The following TRAP1 variants were observed in gnomAD, a reference collection of about 807,000 sequenced individuals.
TRAP1 encodes the protein TNF receptor associated protein 1.
TRAP1 carries 102 observed loss-of-function variants against 89.1 expected under a neutral mutation model. The observed-to-expected ratio is 1.15, with a 90% CI of 0.98 to 1.35. The LOEUF is 1.35. Among genes scored for constraint, TRAP1 ranks in the 40% most tolerant of loss-of-function variants. TRAP1 has a pLI of 0.00. For missense variants in TRAP1, 1,256 were observed against 945.3 expected (o/e 1.33, Z -4.31); for synonymous variants, 508 against 388.0 (o/e 1.31, Z -3.64).
intron 4 of TRAP1, among the ~76,000 whole-genome samples, chr16:3,683,187 C>G (rs1055524461): frequency 6.6e-6 from 1 of 151,692 alleles, no homozygotes; most frequent in African/African-American, 2.4e-5. Context: ...AAAATCTTCC[C>G]GGTCATCAAA....
At chr16:3,681,787 A>T (rs1055298950) in intron 4 of TRAP1, among the ~76,000 whole-genome samples, 2 of 152,090 alleles carry the variant, frequency 1.3e-5, no homozygotes, top group African/African-American at 4.8e-5. Context: ...ATTTATTTTT[A>T]TTTTTTCCCA....
chr16:3,661,078 CTTCATATACAAGTTAG>C lies in TRAP1; in HGVS notation c.1940+893_1940+908del, dbSNP rs930857412. Reference sequence around the variant, plus strand: ...TTCAAAATTTCCCCCAAAAAAGAAACTTCATATACAAGTTAGTTCATATACAAGTTAGAAAATGAAA... The same window carrying C: ...TTCAAAATTTCCCCCAAAAAAGAAACTTCATATACAAGTTAGAAAATGAAA... On this transcript the variant is annotated intron_variant, in intron 16 of 17. Coordinates refer to ENST00000246957, the MANE Select transcript of TRAP1 (RefSeq NM_016292.3). 12 of 152,100 alleles carry C rather than the reference CTTCATATACAAGTTAG, an allele frequency of 7.9e-5. No homozygotes were observed. The South Asian group carries it at 8.3e-4, about 11-fold the overall frequency. The allele number at this position is 152,100 out of a possible 1,614,324, so 9.4% of individuals were successfully genotyped here.
At chr16:3,693,280 A>G (rs2051240956) in intron 1 of TRAP1, among the ~76,000 whole-genome samples, 1 of 152,118 alleles carries the variant, frequency 6.6e-6, no homozygotes, top group East Asian at 1.9e-4. Context: ...CTATGCAGAT[A>G]CCTTAAAAAC....
rs890163228 is a variant in TRAP1 at position 3,717,438 on chromosome 16, A to G, written c.71T>C (p.Leu24Pro). ...RLRPLLRAPA[L>P]AAVPGGKPIL... ...GCCCTCACCTCCCGGCACGGCCGCC[A>G]GCGCCGGCGCCCGCAGCAAAGGCCG... The change falls in exon 1 of 18, where the codon CTG becomes CCG. Residue 24 changes from leucine (L) to proline (P), a missense_variant. Leu to Pro is a moderately conservative substitution (Grantham distance 98). Coordinates refer to ENST00000246957, the MANE Select transcript of TRAP1 (RefSeq NM_016292.3). 2.4e-6 allele frequency: 3 copies of G among 1,260,874 alleles called. No individual in the cohort carries two copies. The highest frequency in any genetic ancestry group is 3.1e-5 in the African/African-American group (2 of 63,734). The allele number at this position is 1,260,874 out of a possible 1,614,324, so 78.1% of individuals were successfully genotyped here.
intron 13 of TRAP1, chr16:3,663,771 C>A (rs530378548): frequency 3.3e-6 from 2 of 600,310 alleles, no homozygotes; most frequent in East Asian, 5.8e-5. Flanking sequence ...AAGCACTCCA[C>A]GCATAAAGAA....
chr16:3,696,588 C>T (rs1025565691), intron 1 of TRAP1, among the ~76,000 whole-genome samples: 9 of 152,206 alleles, frequency 5.9e-5, no homozygotes, highest in African/African-American at 1.9e-4. Flanking sequence ...CAGGGTCTCA[C>T]TCTGTTGCCC....
Position 3,700,260 on chromosome 16 carries a change from C to T in TRAP1, c.89-9275G>A, listed in dbSNP as rs534491335. On this transcript the variant is annotated intron_variant, in intron 1 of 17. Transcript: ENST00000246957. Reference sequence around the variant, plus strand: ...TCAGCTCACCCCATCCTCCTCCTCCCGGGTTCAAGCGATTCTCCTGCCTCA... The same window carrying T: ...TCAGCTCACCCCATCCTCCTCCTCCTGGGTTCAAGCGATTCTCCTGCCTCA... 4.6e-5 allele frequency among the ~76,000 whole-genome samples: 7 copies of T among 151,780 alleles called. 1 individual carries two copies. The highest frequency in any genetic ancestry group is 3.9e-4 in the East Asian group (2 of 5,142).
chr16:3,713,352 C>A (rs1393936960), intron 1 of TRAP1, among the ~76,000 whole-genome samples: 3 of 152,152 alleles, frequency 2.0e-5, no homozygotes, highest in Non-Finnish European at 2.9e-5. Context: ...GGAGCGGGGT[C>A]CAGGTGAGGC....
intron 1 of TRAP1, among the ~76,000 whole-genome samples, chr16:3,703,812 A>C (rs1170702522): frequency 6.7e-6 from 1 of 150,144 alleles, no homozygotes; most frequent in African/African-American, 2.5e-5. Flanking sequence ...TCAGGAGATC[A>C]AGATCATCCT....
At chr16:3,710,847 ATGTG>A (rs989482091) in intron 1 of TRAP1, among the ~76,000 whole-genome samples, 2 of 140,482 alleles carry the variant, frequency 1.4e-5, no homozygotes, top group South Asian at 2.3e-4. Context: ...TTTCTTTTAT[ATGTG>A]TGTGTGTATA....
intron 4 of TRAP1, among the ~76,000 whole-genome samples, chr16:3,682,858 C>T (rs1336388575): frequency 6.6e-6 from 1 of 151,904 alleles, no homozygotes; most frequent in Non-Finnish European, 1.5e-5. Flanking sequence ...GATCCTGACT[C>T]TAAACAAACA....
chr16:3,658,977 G>T, intron 16 of TRAP1, 112 bp from the exon 17 acceptor site: 2 of 1,065,328 alleles, frequency 1.9e-6, no homozygotes, highest in East Asian at 2.6e-5. Flanking sequence ...ACTGTCTGTA[G>T]TTTTTTAAAT....
chr16:3,697,423 G>C (rs959346258), intron 1 of TRAP1, among the ~76,000 whole-genome samples: 86 of 152,140 alleles, frequency 5.7e-4, no homozygotes, highest in Admixed American at 4.5e-3. Flanking sequence ...CCAGCACTTT[G>C]GGAGGCCGAG....
chr16:3,714,142 C>G (rs1174553275), intron 1 of TRAP1, among the ~76,000 whole-genome samples: 1 of 152,194 alleles, frequency 6.6e-6, no homozygotes, highest in African/African-American at 2.4e-5. Context: ...ATCTGTGAAA[C>G]TTACCCTGGG....
chr16:3,711,167 G>C (rs1339652407), intron 1 of TRAP1, among the ~76,000 whole-genome samples: 1 of 151,934 alleles, frequency 6.6e-6, no homozygotes, highest in Non-Finnish European at 1.5e-5. Flanking sequence ...TGAGCTACCA[G>C]GCCTGGCCAA....
intron 12 of TRAP1, chr16:3,665,212 C>T (rs570939682): frequency 2.6e-5 from 4 of 152,306 alleles, no homozygotes; most frequent in East Asian, 1.9e-4. Context: ...CAGAAGCTGC[C>T]GAAGTCGGCA....
At chr16:3,671,142 T>TATTCAGCTG (rs1389382561) in intron 11 of TRAP1, among the ~76,000 whole-genome samples, 1 of 152,064 alleles carries the variant, frequency 6.6e-6, no homozygotes, top group Non-Finnish European at 1.5e-5. Context: ...AAATTCCAGC[T>TATTCAGCTG]GAATCCTCAC....
chr16:3,705,829 G>A (rs2051435407), intron 1 of TRAP1, among the ~76,000 whole-genome samples: 1 of 151,728 alleles, frequency 6.6e-6, no homozygotes. Flanking sequence ...ACAGGCATGT[G>A]CCACCACACC....
At chr16:3,690,409 C>A (rs953716621) in intron 2 of TRAP1, among the ~76,000 whole-genome samples, 32 of 152,286 alleles carry the variant, frequency 2.1e-4, no homozygotes, top group African/African-American at 6.7e-4. Context: ...TCTTGTCGAC[C>A]CACTTAAAAG....
Sources: allele counts gnomAD v4.1 joint callset (sites outside exome capture counted in the v4.1 genomes callset), GRCh38; gene constraint gnomAD v4.1.1; transcripts MANE v1.5; gene names NCBI Gene and HGNC (gene_info 2026-07-23, HGNC 2026-07-21).